The following QTMAN variants were observed in gnomAD, a reference collection of about 807,000 sequenced individuals.
QTMAN encodes tRNA-queuosine alpha-mannosyltransferase.
the QTMAN span, among the ~76,000 whole-genome samples, chr2:144,286,282 G>T: frequency 6.6e-6 from 1 of 152,168 alleles, no homozygotes; most frequent in Non-Finnish European, 1.5e-5. Flanking sequence ...TGTTGTCCTA[G>T]TTTTAAGCCA....
At chr2:144,263,540 G>A in the QTMAN span, among the ~76,000 whole-genome samples, 1 of 152,110 alleles carries the variant, frequency 6.6e-6, no homozygotes, top group Non-Finnish European at 1.5e-5. Flanking sequence ...TGGCCAACAT[G>A]GTGAAACCCT....
At chr2:144,296,267 C>T in the QTMAN span, among the ~76,000 whole-genome samples, 1 of 152,128 alleles carries the variant, frequency 6.6e-6, no homozygotes, top group Non-Finnish European at 1.5e-5. Context: ...CTTACAAAAA[C>T]CAACTAAAAT....
At chr2:144,306,875 C>T in the QTMAN span, among the ~76,000 whole-genome samples, 1 of 152,038 alleles carries the variant, frequency 6.6e-6, no homozygotes, top group South Asian at 2.1e-4. Flanking sequence ...AAAGAAAATA[C>T]AAATGGCTGG....
At chr2:144,154,963 G>T in the QTMAN span, among the ~76,000 whole-genome samples, 3 of 152,262 alleles carry the variant, frequency 2.0e-5, no homozygotes, top group East Asian at 5.8e-4. Flanking sequence ...ACGACTGTGA[G>T]AAAATAAAAC....
At chr2:144,162,994 A>C in the QTMAN span, among the ~76,000 whole-genome samples, 2 of 152,336 alleles carry the variant, frequency 1.3e-5, no homozygotes, top group African/African-American at 2.4e-5. Context: ...CTGAATTATA[A>C]TATGTGTACT....
chr2:143,951,682 T>C, the QTMAN span, among the ~76,000 whole-genome samples: 94 of 151,600 alleles, frequency 6.2e-4, no homozygotes, highest in African/African-American at 2.1e-3. Flanking sequence ...AACTAATGAG[T>C]TACATTAATT....
chr2:143,952,126 C>T, the QTMAN span: 1 of 990,976 alleles, frequency 1.0e-6, no homozygotes, highest in Non-Finnish European at 1.6e-6. Flanking sequence ...AAAGCACACA[C>T]TCGATATTAG....
chr2:144,176,977 CA>C, the QTMAN span, among the ~76,000 whole-genome samples: 1 of 152,122 alleles, frequency 6.6e-6, no homozygotes, highest in Non-Finnish European at 1.5e-5. Flanking sequence ...AAAGGGGAAG[CA>C]GGTATGTCTT....
chr2:144,106,422 A>C, the QTMAN span, among the ~76,000 whole-genome samples: 4 of 152,244 alleles, frequency 2.6e-5, no homozygotes, highest in Admixed American at 6.5e-5. Context: ...TCTACCAAGC[A>C]AATGGAAAAC....
the QTMAN span, among the ~76,000 whole-genome samples, chr2:144,226,361 G>A: frequency 1.3e-5 from 2 of 152,066 alleles, no homozygotes. Context: ...AATAATGAGG[G>A]AGGGCTAATA....
chr2:144,290,889 A>G, the QTMAN span, among the ~76,000 whole-genome samples: 2 of 152,280 alleles, frequency 1.3e-5, no homozygotes, highest in Non-Finnish European at 1.5e-5. Context: ...TAGGGCTGCT[A>G]TAACAATGTA....
chr2:144,104,802 C>T, the QTMAN span, among the ~76,000 whole-genome samples: 1 of 152,252 alleles, frequency 6.6e-6, no homozygotes, highest in Non-Finnish European at 1.5e-5. Context: ...AACGGACAGA[C>T]TGCCTCCTCA....
chr2:144,137,704 TAAG>T, the QTMAN span, among the ~76,000 whole-genome samples: 1 of 151,794 alleles, frequency 6.6e-6, no homozygotes, highest in African/African-American at 2.4e-5. Flanking sequence ...ATCCATAAAA[TAAG>T]AAGAGGAGAG....
chr2:144,176,285 T>C, the QTMAN span, among the ~76,000 whole-genome samples: 1 of 152,168 alleles, frequency 6.6e-6, no homozygotes, highest in Non-Finnish European at 1.5e-5. Flanking sequence ...AGAAGGCATT[T>C]AACCAAATGT....
chr2:144,293,228 G>A, the QTMAN span, among the ~76,000 whole-genome samples: 1 of 152,116 alleles, frequency 6.6e-6, no homozygotes, highest in Non-Finnish European at 1.5e-5. Flanking sequence ...AAAAACCATA[G>A]AGATGCATGT....
the QTMAN span, among the ~76,000 whole-genome samples, chr2:144,023,419 C>A: frequency 1.3e-5 from 2 of 152,196 alleles, no homozygotes; most frequent in Non-Finnish European, 2.9e-5. Context: ...AATCTCTGCT[C>A]TTATGGGAAA....
the QTMAN span, among the ~76,000 whole-genome samples, chr2:143,984,318 C>G: frequency 6.6e-6 from 1 of 152,066 alleles, no homozygotes; most frequent in Non-Finnish European, 1.5e-5. Flanking sequence ...AAAAAGCTGC[C>G]AAAGATAATG....
the QTMAN span, among the ~76,000 whole-genome samples, chr2:143,983,844 G>A: frequency 3.3e-5 from 5 of 152,140 alleles, no homozygotes; most frequent in Admixed American, 1.3e-4. Flanking sequence ...TGCAAATTAC[G>A]TAGTGAACAC....
At chr2:144,177,243 T>C in the QTMAN span, 2 of 636,290 alleles carry the variant, frequency 3.1e-6, no homozygotes, top group South Asian at 3.4e-5. Flanking sequence ...CTCTTTATCT[T>C]GATCCCAATA....
Sources: gnomAD v4.1 joint callset for allele counts (sites outside exome capture counted in the v4.1 genomes callset) on GRCh38, gnomAD v4.1.1 for gene constraint, MANE v1.5 for transcripts, NCBI Gene and HGNC (gene_info 2026-07-23, HGNC 2026-07-21) for gene names.